Variants in LAMA2 observed in about 807,000 individuals in gnomAD.
LAMA2 encodes laminin subunit alpha-2.
LAMA2 carries 269 observed loss-of-function variants against 364.8 expected under a neutral mutation model. That is an observed-to-expected ratio of 0.74 (90% confidence interval 0.67 to 0.82). The LOEUF is 0.82. Among genes scored for constraint, LAMA2 ranks in the 40% least tolerant of loss-of-function variants. The probability of loss-of-function intolerance (pLI) is 0.00; values close to 1 mark genes in which losing one functional copy is unlikely to be tolerated. For missense variants in LAMA2, 3,807 were observed against 3,873.2 expected (o/e 0.98, Z 0.45); for synonymous variants, 1,379 against 1,370.6 (o/e 1.01, Z -0.14).
chr6:129,025,070 G>A (rs1279355643), intron 1 of LAMA2, among the ~76,000 whole-genome samples: 1 of 152,132 alleles, frequency 6.6e-6, no homozygotes, highest in East Asian at 1.9e-4. Context: ...AATGAATCTT[G>A]CAACAGTAAC....
At position 129,260,698 on chromosome 6, in the gene LAMA2, T is replaced by C. The variant is rs139246515; in HGVS notation, c.2097-13T>C. Reference sequence around the variant, plus strand: ...CTTTACTTATTCACCATCTCTTTTTTCCTCTGCCATAGGTTGAGCTCTGTT... The same window carrying C: ...CTTTACTTATTCACCATCTCTTTTTCCCTCTGCCATAGGTTGAGCTCTGTT... On this transcript the variant is annotated splice_polypyrimidine_tract_variant and intron_variant, in intron 14 of 64. Transcript: ENST00000421865. 7.4e-4 allele frequency: 1,130 copies of C among 1,518,414 alleles called. 10 individuals carry two copies. In the African/African-American group the frequency reaches 0.013, roughly 17 times the overall value. 94.1% of individuals were successfully genotyped at this position (1,518,414 alleles called of 1,614,324 possible). A position where few individuals can be genotyped will look rare whatever the true frequency, so the allele number is the denominator to read the frequency against.
chr6:129,143,656 A>G (rs1413563421), intron 4 of LAMA2, among the ~76,000 whole-genome samples: 2 of 152,004 alleles, frequency 1.3e-5, no homozygotes, highest in Non-Finnish European at 2.9e-5. Flanking sequence ...AGAGAGAAAT[A>G]TAGGTAGTTG....
At chr6:129,406,479 A>G (rs1384563924) in intron 40 of LAMA2, among the ~76,000 whole-genome samples, 1 of 152,168 alleles carries the variant, frequency 6.6e-6, no homozygotes, top group African/African-American at 2.4e-5. Flanking sequence ...CCTACATATA[A>G]TCACCAAGAA....
rs780892378 is a variant in LAMA2 at position 129,300,793 on chromosome 6, G to A, written c.3095G>A (p.Cys1032Tyr). The change falls in exon 22 of 65, where the codon TGC becomes TAC. Residue 1032 changes from cysteine (C) to tyrosine (Y), a missense_variant. Physicochemically the swap from Cys to Tyr is radical, Grantham distance 194. Coordinates refer to ENST00000421865, the MANE Select transcript of LAMA2 (RefSeq NM_000426.4). ...NCDPKTGRCICPPNTIGEKCS... is the reference protein window; with the variant it reads ...NCDPKTGRCIYPPNTIGEKCS... ...GACCCAAAGACTGGGCGATGCATTT[G>A]CCCTCCCAATACCATTGGAGAGAAA... 2.5e-6 allele frequency: 4 copies of A among 1,613,422 alleles called. No homozygotes were observed. Among genetic ancestry groups the A allele is most frequent in the Non-Finnish European group, 3.4e-6 (4 of 1,179,400 alleles).
At chr6:129,297,558 A>G in intron 20 of LAMA2, 127 bp from the exon 21 acceptor site, 1 of 822,990 alleles carries the variant, frequency 1.2e-6, no homozygotes, top group South Asian at 1.5e-5. Flanking sequence ...AATTGTCATA[A>G]CATCAGTGAG....
chr6:129,355,526 A>C (rs1777102656), intron 32 of LAMA2, among the ~76,000 whole-genome samples: 1 of 152,164 alleles, frequency 6.6e-6, no homozygotes, highest in Non-Finnish European at 1.5e-5. Flanking sequence ...AGACCAAAAA[A>C]TGGATTCACC....
chr6:129,088,461 A>ACG (rs1774542009), intron 3 of LAMA2, among the ~76,000 whole-genome samples: 1 of 151,546 alleles, frequency 6.6e-6, no homozygotes, highest in African/African-American at 2.4e-5. Flanking sequence ...CACTTCCCAG[A>ACG]AGGGGTGGCC....
At chr6:129,316,380 A>G (rs1448975192) in intron 27 of LAMA2, among the ~76,000 whole-genome samples, 3 of 151,442 alleles carry the variant, frequency 2.0e-5, no homozygotes, top group East Asian at 1.9e-4. Context: ...CGTTAAAGGG[A>G]AAAAAAAATA....
intron 2 of LAMA2, among the ~76,000 whole-genome samples, chr6:129,052,380 T>C (rs1008410556): frequency 6.6e-6 from 1 of 151,106 alleles, no homozygotes; most frequent in Non-Finnish European, 1.5e-5. Context: ...AATCTCCTGA[T>C]CTCGTGATAT....
chr6:129,450,664 C>G (rs1459403914), intron 45 of LAMA2, among the ~76,000 whole-genome samples: 1 of 152,178 alleles, frequency 6.6e-6, no homozygotes, highest in Non-Finnish European at 1.5e-5. Context: ...AGGAATTAAA[C>G]TAGCCATAAT....
intron 12 of LAMA2, among the ~76,000 whole-genome samples, chr6:129,227,007 T>C (rs1185327274): frequency 6.6e-6 from 1 of 152,210 alleles, no homozygotes; most frequent in Non-Finnish European, 1.5e-5. Context: ...TAGTCCCATA[T>C]TTCTTGGAGG....
intron 1 of LAMA2, among the ~76,000 whole-genome samples, chr6:128,901,133 G>A (rs1198640187): frequency 6.6e-6 from 1 of 152,106 alleles, no homozygotes; most frequent in Non-Finnish European, 1.5e-5. Flanking sequence ...CTTTAGCCTG[G>A]GCAACAGAGC....
chr6:129,135,480 C>CTTATATG (rs1777737699), intron 4 of LAMA2, among the ~76,000 whole-genome samples: 2 of 152,214 alleles, frequency 1.3e-5, no homozygotes, highest in Admixed American at 1.3e-4. Context: ...TTCATACATA[C>CTTATATG]AGATCACATG....
At chr6:128,993,274 T>C (rs1783718130) in intron 1 of LAMA2, among the ~76,000 whole-genome samples, 1 of 152,232 alleles carries the variant, frequency 6.6e-6, no homozygotes, top group African/African-American at 2.4e-5. Flanking sequence ...GAAAAATGTA[T>C]ACATAATGTT....
intron 14 of LAMA2, among the ~76,000 whole-genome samples, chr6:129,254,784 C>T (rs1001788222): frequency 7.2e-5 from 11 of 152,306 alleles, no homozygotes; most frequent in African/African-American, 2.4e-4. Context: ...GTGCATCTTT[C>T]ACCTTTAAAT....
intron 1 of LAMA2, among the ~76,000 whole-genome samples, chr6:128,958,140 T>A (rs1467406746): frequency 6.6e-6 from 1 of 152,086 alleles, no homozygotes; most frequent in African/African-American, 2.4e-5. Flanking sequence ...AAATAAGTAA[T>A]CTAATGAATC....
At chr6:129,300,429 G>A (rs1047960226) in intron 21 of LAMA2, among the ~76,000 whole-genome samples, 1 of 152,096 alleles carries the variant, frequency 6.6e-6, no homozygotes, top group Non-Finnish European at 1.5e-5. Flanking sequence ...AATATAAGGT[G>A]TTACAGTTAA....
intron 61 of LAMA2, among the ~76,000 whole-genome samples, chr6:129,505,784 G>A (rs554928873): frequency 5.9e-5 from 9 of 151,738 alleles, no homozygotes; most frequent in African/African-American, 1.9e-4. Flanking sequence ...CGCCTGCCTC[G>A]GCCTCCCAAA....
intron 20 of LAMA2, among the ~76,000 whole-genome samples, chr6:129,295,788 TG>T (rs1177917727): frequency 1.4e-5 from 1 of 71,926 alleles, no homozygotes; most frequent in Non-Finnish European, 2.6e-5. Context: ...TATGAGTAAA[TG>T]TATATATATA....
Sources: gnomAD v4.1 joint callset for allele counts (sites outside exome capture counted in the v4.1 genomes callset) on GRCh38, gnomAD v4.1.1 for gene constraint, MANE v1.5 for transcripts, NCBI Gene and HGNC (gene_info 2026-07-23, HGNC 2026-07-21) for gene names.